MAP3K2: variants seen among roughly 807,000 people sequenced by gnomAD.
MAP3K2 encodes mitogen-activated protein kinase kinase kinase 2.
Under a neutral mutation model 80.3 loss-of-function variants are expected in MAP3K2, and 24 were observed. That is an observed-to-expected ratio of 0.30 (90% CI 0.22 to 0.42). The LOEUF is 0.42. Among genes scored for constraint, MAP3K2 ranks in the 10% least tolerant of loss-of-function variants. MAP3K2 has a pLI of 1.00. For missense variants in MAP3K2, 608 were observed against 750.1 expected (o/e 0.81, Z 2.21); for synonymous variants, 244 against 253.7 (o/e 0.96, Z 0.36).
Position 127,338,993 on chromosome 2 carries a change from C to T in MAP3K2, c.62G>A (p.Ser21Asn). ...MQDLAVLHKA[S>N]RPALSLQETR... ...TTCCTGCAAGGATAATGCTGGTCGA[C>T]TGGCCTTATGAAGGACAGCCAAATC... is the stretch of plus-strand genomic sequence containing the variant. Residue 21 changes from serine (S) to asparagine (N), a missense_variant, in exon 3 of 17, where the codon AGT (serine) becomes AAT (asparagine). Coordinates refer to ENST00000682094, the MANE Select transcript of MAP3K2 (RefSeq NM_001371910.2). 6.2e-7 allele frequency: 1 copy of T among 1,613,010 alleles called. No individual in the cohort carries two copies. Among genetic ancestry groups the T allele is most frequent in the Non-Finnish European group, 8.5e-7 (1 of 1,179,494 alleles).
rs1686943880 is a variant in MAP3K2, at chr2:127,364,820, A to G, written c.-65-21626T>C. ...CTCAATCTCTTCTCATTACTACTGC[A>G]ATGACTACTAATAAAAGCTACTATT... On this transcript the variant is annotated intron_variant, in intron 1 of 16. Coordinates refer to ENST00000682094, the MANE Select transcript of MAP3K2 (RefSeq NM_001371910.2). This position sits in a 1 kb window ranked among gnomAD's most constrained non-coding sequence, Gnocchi z 4.1. Among the ~76,000 whole-genome samples the G allele has an allele frequency of 2.0e-5, 3 of 152,072 alleles. No homozygotes were observed. The highest frequency in any genetic ancestry group is 4.4e-5 in the Non-Finnish European group (3 of 68,014).
chr2:127,314,703 C>T, intron 15 of MAP3K2, 51 bp downstream of exon 15: 1 of 1,407,818 alleles, frequency 7.1e-7, no homozygotes, highest in Non-Finnish European at 9.9e-7. Flanking sequence ...TTGTTTCATT[C>T]ACATTCACTA....
chr2:127,340,934 G>A (rs975471111), intron 2 of MAP3K2, among the ~76,000 whole-genome samples: 11 of 152,028 alleles, frequency 7.2e-5, no homozygotes, highest in African/African-American at 2.4e-4. Flanking sequence ...AATGCCTTGG[G>A]GGAGGGCCTT....
chr2:127,356,226 G>A (rs1686795781), intron 1 of MAP3K2, among the ~76,000 whole-genome samples: 1 of 152,054 alleles, frequency 6.6e-6, no homozygotes, highest in African/African-American at 2.4e-5. Context: ...TGTTCTTAAT[G>A]GCACCTAGAA....
intron 2 of MAP3K2, among the ~76,000 whole-genome samples, chr2:127,340,772 G>C (rs924484979): frequency 8.6e-5 from 13 of 151,902 alleles, no homozygotes; most frequent in African/African-American, 1.4e-4. Flanking sequence ...TGCCCAGGCT[G>C]GTCTTGAACT....
intron 1 of MAP3K2, among the ~76,000 whole-genome samples, chr2:127,384,184 C>T (rs988001003): frequency 1.3e-5 from 2 of 148,908 alleles, no homozygotes; most frequent in East Asian, 2.0e-4. Flanking sequence ...CGTGAGCCAC[C>T]GTGCCCGGCC....
At chr2:127,377,102 C>T (rs1390472221) in intron 1 of MAP3K2, among the ~76,000 whole-genome samples, 1 of 151,740 alleles carries the variant, frequency 6.6e-6, no homozygotes, top group Non-Finnish European at 1.5e-5. Flanking sequence ...CCAATGTTCA[C>T]TCTATTCATT....
intron 1 of MAP3K2, among the ~76,000 whole-genome samples, chr2:127,371,520 C>T (rs1687064232): frequency 6.6e-6 from 1 of 152,168 alleles, no homozygotes; most frequent in Admixed American, 6.5e-5. Flanking sequence ...AAATTAGTCA[C>T]ACCCAGGACT....
chr2:127,319,235 GAA>G (rs11305589), intron 12 of MAP3K2, among the ~76,000 whole-genome samples: 11,725 of 120,872 alleles, frequency 0.097, 620 homozygotes, highest in African/African-American at 0.18. Flanking sequence ...GAATGCAAAA[GAA>G]AAAAAAAAAA....
intron 1 of MAP3K2, among the ~76,000 whole-genome samples, chr2:127,344,933 A>T (rs1375102204): frequency 1.3e-5 from 2 of 152,150 alleles, no homozygotes; most frequent in Non-Finnish European, 2.9e-5. Flanking sequence ...GCATGATCAC[A>T]GCTCACTGCA....
intron 1 of MAP3K2, among the ~76,000 whole-genome samples, chr2:127,371,455 C>A (rs1182680653): frequency 6.6e-6 from 1 of 152,134 alleles, no homozygotes; most frequent in Non-Finnish European, 1.5e-5. Context: ...TCGACAAGGG[C>A]CTCAGGAGCC....
chr2:127,322,328 G>T lies in MAP3K2; in HGVS notation c.839-76C>A. 2 of 952,376 alleles carry T rather than the reference G, an allele frequency of 2.1e-6. No homozygotes were observed. Among genetic ancestry groups the T allele is most frequent in the Non-Finnish European group, 3.1e-6 (2 of 645,378 alleles). The allele number at this position is 952,376 out of a possible 1,614,324, so 59.0% of individuals were successfully genotyped here. A position where few individuals can be genotyped will look rare whatever the true frequency, so the allele number is the denominator to read the frequency against. On this transcript the variant is annotated intron_variant, in intron 11 of 16. Transcript: ENST00000682094. The surrounding 1 kb of genome is among the most constrained non-coding windows in gnomAD (Gnocchi z 4.2). ...TTTTAAAGTATTTAAAATTTGTAATGTAGAGAATAGAAATTTGTCCTGTGA... is the reference window on the plus strand; with the variant it reads ...TTTTAAAGTATTTAAAATTTGTAATTTAGAGAATAGAAATTTGTCCTGTGA...
rs112389029 is a variant in MAP3K2 at position 127,375,252 on chromosome 2, A to G, written c.-66+12200T>C. ...GAAATAAAGAAAATAACCCTATGGGACCCATAGCCCCGAACAATGTGGCTT... is the reference window on the plus strand; with the variant it reads ...GAAATAAAGAAAATAACCCTATGGGGCCCATAGCCCCGAACAATGTGGCTT... On this transcript the variant is annotated intron_variant, in intron 1 of 16. Transcript: ENST00000682094. 3.6e-3 allele frequency among the ~76,000 whole-genome samples: 542 copies of G among 152,160 alleles called. 5 individuals are homozygous for G. Among genetic ancestry groups the G allele is most frequent in the African/African-American group, 0.013 (521 of 41,516 alleles).
chr2:127,336,291 T>C (rs1242343788), intron 4 of MAP3K2, among the ~76,000 whole-genome samples: 2 of 152,226 alleles, frequency 1.3e-5, no homozygotes, highest in African/African-American at 4.8e-5. Context: ...CTGATTAAAC[T>C]TAACTATGTG....
At chr2:127,380,265 T>C (rs1574010391) in intron 1 of MAP3K2, among the ~76,000 whole-genome samples, 1 of 152,330 alleles carries the variant, frequency 6.6e-6, no homozygotes, top group East Asian at 1.9e-4. Flanking sequence ...ATGTGGCAAG[T>C]ACAATGGTAG....
intron 5 of MAP3K2, among the ~76,000 whole-genome samples, chr2:127,331,646 G>T (rs2104833847): frequency 6.6e-6 from 1 of 152,328 alleles, no homozygotes; most frequent in South Asian, 2.1e-4. Context: ...GAGTCTCACT[G>T]TCATTCAGGC....
Position 127,363,728 on chromosome 2 carries a change from A to T in MAP3K2, c.-65-20534T>A, listed in dbSNP as rs534999102. On this transcript the variant is annotated intron_variant, in intron 1 of 16. Transcript: ENST00000682094. Reference sequence around the variant, plus strand: ...ATTTACTTATTTATTTTAGAGATAGAGTCTCACTCTGTCACCTAGCCTGGC... The same window carrying T: ...ATTTACTTATTTATTTTAGAGATAGTGTCTCACTCTGTCACCTAGCCTGGC... Among the ~76,000 whole-genome samples, 281 of 152,288 alleles carry T rather than the reference A, an allele frequency of 1.8e-3. 2 individuals carry two copies. The highest frequency in any genetic ancestry group is 6.6e-3 in the African/African-American group (274 of 41,556).
intron 15 of MAP3K2, among the ~76,000 whole-genome samples, chr2:127,311,057 A>C (rs1333896051): frequency 6.6e-6 from 1 of 152,186 alleles, no homozygotes; most frequent in Non-Finnish European, 1.5e-5. Flanking sequence ...GAGAGGATAA[A>C]GAGACCCCAC....
chr2:127,350,740 C>T (rs909318890), intron 1 of MAP3K2, among the ~76,000 whole-genome samples: 3 of 151,660 alleles, frequency 2.0e-5, no homozygotes, highest in Non-Finnish European at 2.9e-5. Context: ...ATCATTTCCA[C>T]TCATTTTTCA....
Sources: allele counts gnomAD v4.1 joint callset (sites outside exome capture counted in the v4.1 genomes callset), GRCh38; gene constraint gnomAD v4.1.1; non-coding constraint Gnocchi (gnomAD v3.1); transcripts MANE v1.5; gene names NCBI Gene and HGNC (gene_info 2026-07-23, HGNC 2026-07-21).